DYNC2I1: variants seen among roughly 807,000 people sequenced by gnomAD.
DYNC2I1 encodes dynein 2 intermediate chain 1.
A neutral mutation model predicts 133.4 loss-of-function variants in DYNC2I1; 89 were observed. The ratio of observed to expected loss-of-function variants is 0.67; its 90% CI spans 0.56 to 0.80. The LOEUF is 0.80. Among genes scored for constraint, DYNC2I1 ranks in the 30% least tolerant of loss-of-function variants. DYNC2I1 has a pLI of 0.00. For missense variants in DYNC2I1, 1,291 were observed against 1,314.5 expected, an observed-to-expected ratio of 0.98 and a Z score of 0.28; for synonymous variants, 504 against 484.3, an observed-to-expected ratio of 1.04 and a Z score of -0.54.
At chr7:158,868,299 C>T (rs921553765) in intron 1 of DYNC2I1, among the ~76,000 whole-genome samples, 1 of 152,142 alleles carries the variant, frequency 6.6e-6, no homozygotes, top group Non-Finnish European at 1.5e-5. Flanking sequence ...TTTCCCGGCA[C>T]GCACAGTGTG....
chr7:158,956,035 C>T (rs1295535959), intron 4 of DYNC2I1, among the ~76,000 whole-genome samples: 1 of 152,226 alleles, frequency 6.6e-6, no homozygotes. Context: ...CCCAATTTGG[C>T]CTGTCATTGG....
chr7:158,948,201 A>G (rs191298920), downstream of DYNC2I1, among the ~76,000 whole-genome samples: 16 of 152,326 alleles, frequency 1.1e-4, no homozygotes, highest in Non-Finnish European at 2.1e-4. Flanking sequence ...ACGTGGCAAG[A>G]GGTGGGCCGA....
downstream of DYNC2I1, among the ~76,000 whole-genome samples, chr7:158,949,086 T>C (rs1585274466): frequency 6.6e-6 from 1 of 150,472 alleles, no homozygotes; most frequent in East Asian, 2.0e-4. Context: ...AGAGAGCAGT[T>C]CCTCCAAGCA....
At chr7:158,920,580 G>A (rs1848967432) in intron 15 of DYNC2I1, among the ~76,000 whole-genome samples, 1 of 152,198 alleles carries the variant, frequency 6.6e-6, no homozygotes, top group South Asian at 2.1e-4. Flanking sequence ...CTCTGTCGGG[G>A]AACACGTGAA....
intron 1 of DYNC2I1, among the ~76,000 whole-genome samples, chr7:158,865,042 T>C (rs1455092551): frequency 6.6e-6 from 1 of 152,164 alleles, no homozygotes; most frequent in African/African-American, 2.4e-5. Flanking sequence ...GCTTCTGCTG[T>C]TTGGCTTACA....
At chr7:158,916,913 G>C (rs113665361) in intron 14 of DYNC2I1, among the ~76,000 whole-genome samples, 36 of 63,276 alleles carry the variant, frequency 5.7e-4, no homozygotes, top group African/African-American at 1.6e-3. Context: ...CGGTGGTTGA[G>C]ATTAAGGATG....
intron 20 of DYNC2I1, among the ~76,000 whole-genome samples, chr7:158,927,670 A>C (rs971663145): frequency 6.6e-6 from 1 of 151,654 alleles, no homozygotes; most frequent in African/African-American, 2.4e-5. Flanking sequence ...TCTTGCCTCA[A>C]CCTCCCAAGT....
At chr7:158,922,931 C>T (rs62476512) in intron 16 of DYNC2I1, among the ~76,000 whole-genome samples, 3,330 of 152,150 alleles carry the variant, frequency 0.022, 59 homozygotes, top group Admixed American at 0.052. Context: ...TCTTAGACTG[C>T]GTGGAGGTTT....
At chr7:158,942,611 G>A (rs1471249511) in intron 24 of DYNC2I1, among the ~76,000 whole-genome samples, 1 of 152,270 alleles carries the variant, frequency 6.6e-6, no homozygotes. Flanking sequence ...AGAAATGATA[G>A]TTTGTGAGAG....
chr7:158,921,707 G>A (rs1174513692), intron 15 of DYNC2I1, among the ~76,000 whole-genome samples: 1 of 152,172 alleles, frequency 6.6e-6, no homozygotes, highest in Admixed American at 6.5e-5. Flanking sequence ...TGTGGTGTGT[G>A]TGTGGCTGGG....
chr7:158,856,123 T>C (rs2129475340), upstream of DYNC2I1, among the ~76,000 whole-genome samples: 1 of 151,640 alleles, frequency 6.6e-6, no homozygotes, highest in East Asian at 2.0e-4. Flanking sequence ...TTTTTTTGTA[T>C]TTTTAGTAGA....
the DYNC2I1 span, among the ~76,000 whole-genome samples, chr7:158,850,155 T>C: frequency 1.3e-5 from 2 of 151,956 alleles, no homozygotes; most frequent in Non-Finnish European, 2.9e-5. Context: ...CCCCTGAAGG[T>C]GCAGGCTACA....
chr7:158,957,743 C>G (rs985733983), downstream of DYNC2I1, among the ~76,000 whole-genome samples: 1 of 152,256 alleles, frequency 6.6e-6, no homozygotes, highest in African/African-American at 2.4e-5. Flanking sequence ...CAAATGCACT[C>G]GGCACTCGTG....
chr7:158,956,367 G>A (rs1852200089), intron 4 of DYNC2I1, among the ~76,000 whole-genome samples: 1 of 152,244 alleles, frequency 6.6e-6, no homozygotes, highest in Non-Finnish European at 1.5e-5. Flanking sequence ...CACCGTTCCT[G>A]GAGGGGCCAC....
intron 4 of DYNC2I1, among the ~76,000 whole-genome samples, chr7:158,877,517 G>C (rs1022567701): frequency 2.6e-5 from 4 of 152,186 alleles, no homozygotes; most frequent in Admixed American, 1.3e-4. Context: ...TTACATAAAA[G>C]TTGTAATTAT....
At chr7:158,860,776 TTAAAA>T (rs1841804123) in intron 1 of DYNC2I1, among the ~76,000 whole-genome samples, 1 of 152,252 alleles carries the variant, frequency 6.6e-6, no homozygotes, top group Admixed American at 6.5e-5. Context: ...TATTCTTAGT[TTAAAA>T]TAAATTTCTA....
At position 158,900,035 on chromosome 7, in the gene DYNC2I1, G is replaced by C. The variant is rs189099674; in HGVS notation, c.1060-1704G>C. Among the ~76,000 whole-genome samples the C allele has an allele frequency of 1.1e-4, 17 of 151,470 alleles. No homozygotes were observed. In the East Asian group the frequency reaches 3.3e-3, roughly 29 times the overall value. Reference sequence around the variant, plus strand: ...AGTATATGTGTAATTTTGGGCTGCTGAATATTTTTCTCTCAGTACTTTAAA... The same window carrying C: ...AGTATATGTGTAATTTTGGGCTGCTCAATATTTTTCTCTCAGTACTTTAAA... On this transcript the variant is annotated intron_variant, in intron 8 of 24. Coordinates refer to ENST00000407559, the MANE Select transcript of DYNC2I1 (RefSeq NM_018051.5).
rs756683839 is a variant in DYNC2I1, at chr7:158,946,159, G to A, written c.*380G>A. On this transcript the variant is annotated 3_prime_UTR_variant, in exon 25 of 25. Coordinates refer to ENST00000407559, the MANE Select transcript of DYNC2I1 (RefSeq NM_018051.5). Reference sequence around the variant, plus strand: ...TTATGCATAAAGTATGTGAACACATGTCTAAATTAAAAGGAATTACTCCAC... The same window carrying A: ...TTATGCATAAAGTATGTGAACACATATCTAAATTAAAAGGAATTACTCCAC... 3.8e-4 allele frequency: 60 copies of A among 157,558 alleles called. No homozygotes were observed. The highest frequency in any genetic ancestry group is 5.8e-4 in the Admixed American group (9 of 15,590). 9.8% of individuals were successfully genotyped at this position (157,558 alleles called of 1,614,324 possible). A position where few individuals can be genotyped will look rare whatever the true frequency, so the allele number is the denominator to read the frequency against.
intron 23 of DYNC2I1, among the ~76,000 whole-genome samples, chr7:158,940,842 G>C (rs1171462327): frequency 1.3e-5 from 2 of 152,102 alleles, no homozygotes; most frequent in African/African-American, 4.8e-5. Flanking sequence ...AATACTAAGA[G>C]AGAAGTTGAT....
Sources: allele counts gnomAD v4.1 joint callset (sites outside exome capture counted in the v4.1 genomes callset), GRCh38; gene constraint gnomAD v4.1.1; transcripts MANE v1.5; gene names NCBI Gene and HGNC (gene_info 2026-07-23, HGNC 2026-07-21).